VWA8: variants seen among roughly 807,000 people sequenced by gnomAD.
VWA8 encodes the protein von Willebrand factor A domain-containing protein 8.
A neutral mutation model predicts 241.5 loss-of-function variants in VWA8; 221 were observed. That is an observed-to-expected ratio of 0.91 (90% confidence interval 0.82 to 1.02). The LOEUF (loss-of-function observed/expected upper bound fraction) is 1.02, where lower values mean the gene tolerates loss of function less well. VWA8 is among the 50% of genes least tolerant of loss of function. The pLI is 0.00. For missense variants in VWA8, 2,322 were observed against 2,328.7 expected, an observed-to-expected ratio of 1.00 and a Z score of 0.06; for synonymous variants, 852 against 827.1, an observed-to-expected ratio of 1.03 and a Z score of -0.52.
intron 17 of VWA8, among the ~76,000 whole-genome samples, chr13:41,795,801 C>A (rs564445271): frequency 6.6e-6 from 1 of 151,824 alleles, no homozygotes; most frequent in African/African-American, 2.4e-5. Context: ...TTGAGGTGGG[C>A]GGGTAGGGGG....
chr13:41,738,854 G>A (rs1279073151), intron 21 of VWA8, among the ~76,000 whole-genome samples: 1 of 152,144 alleles, frequency 6.6e-6, no homozygotes. Flanking sequence ...AAAGTTGAAT[G>A]AGTATACAAA....
chr13:41,568,858 C>A (rs563809520), intron 44 of VWA8, among the ~76,000 whole-genome samples: 9 of 152,290 alleles, frequency 5.9e-5, no homozygotes, highest in Middle Eastern at 3.4e-3. Flanking sequence ...TTCAATGACA[C>A]TGAGGTTATA....
chr13:41,882,207 G>A (rs921797527), intron 9 of VWA8, among the ~76,000 whole-genome samples: 2 of 151,614 alleles, frequency 1.3e-5, no homozygotes, highest in African/African-American at 4.9e-5. Context: ...CAGACGATGG[G>A]CGGCCGGGCA....
At chr13:41,751,385 G>A (rs1322824288) in intron 21 of VWA8, among the ~76,000 whole-genome samples, 1 of 152,162 alleles carries the variant, frequency 6.6e-6, no homozygotes, top group African/African-American at 2.4e-5. Flanking sequence ...GGAGCAGCCT[G>A]GCTGTTCTGT....
chr13:41,820,846 G>C (rs981098748), intron 14 of VWA8, among the ~76,000 whole-genome samples: 1 of 152,262 alleles, frequency 6.6e-6, no homozygotes, highest in East Asian at 1.9e-4. Flanking sequence ...TAAGTGGTTT[G>C]CTATAATCCA....
Position 41,685,151 on chromosome 13 carries a change from C to T in VWA8, c.4223G>A (p.Arg1408Lys), listed in dbSNP as rs761047784. ...DTSFYRGKKK[R>K]GTPKQSNCVT... Reference sequence around the variant, plus strand: ...ACAATTGCTTTGTTTTGGAGTCCCCCTTTTCTTCTTTCCTCTATAGAATGA... The same window carrying T: ...ACAATTGCTTTGTTTTGGAGTCCCCTTTTTCTTCTTTCCTCTATAGAATGA... Residue 1408 changes from arginine (R) to lysine (K), a missense_variant, in exon 35 of 45, where the codon AGG (arginine) becomes AAG (lysine). By Grantham distance (26) the Arg-to-Lys change is conservative. Coordinates refer to ENST00000379310, the MANE Select transcript of VWA8 (RefSeq NM_015058.2). The T allele has an allele frequency of 3.1e-6, 5 of 1,613,488 alleles. No individual in the cohort carries two copies. The highest frequency in any genetic ancestry group is 4.2e-6 in the Non-Finnish European group (5 of 1,179,704).
chr13:41,923,861 A>G (rs1463400228), intron 2 of VWA8, among the ~76,000 whole-genome samples: 1 of 152,094 alleles, frequency 6.6e-6, no homozygotes, highest in African/African-American at 2.4e-5. Flanking sequence ...GTGCCCAACC[A>G]ATATCTTCAG....
rs180705402 is a variant in VWA8, at chr13:41,653,184, T to C, written c.4611+17762A>G. Among the ~76,000 whole-genome samples the C allele has an allele frequency of 2.2e-4, 34 of 152,292 alleles. No individual in the cohort carries two copies. The East Asian group carries it at 6.6e-3, about 29-fold the overall frequency. On this transcript the variant is annotated intron_variant, in intron 37 of 44. Transcript: ENST00000379310. The stretch of plus-strand genomic sequence containing the variant: ...GATTGATAGATTATAATGGATGTTT[T>C]CCTTAGGGCTTGTTCACAATAAAAC...
intron 12 of VWA8, among the ~76,000 whole-genome samples, chr13:41,853,344 T>G (rs1393672344): frequency 6.6e-6 from 1 of 152,188 alleles, no homozygotes; most frequent in Non-Finnish European, 1.5e-5. Context: ...TTTCTTTTCT[T>G]GTAGTGTGCT....
At chr13:41,660,382 T>C (rs1593680860) in intron 37 of VWA8, among the ~76,000 whole-genome samples, 1 of 152,080 alleles carries the variant, frequency 6.6e-6, no homozygotes, top group Non-Finnish European at 1.5e-5. Context: ...TCCCAAAGTG[T>C]TGGGATTACA....
At chr13:41,757,478 G>A (rs1024258448) in intron 21 of VWA8, among the ~76,000 whole-genome samples, 1 of 151,652 alleles carries the variant, frequency 6.6e-6, no homozygotes. Context: ...GGGTACATGT[G>A]CAGGTTTGTT....
chr13:41,796,128 A>C (rs1021526261), intron 17 of VWA8, among the ~76,000 whole-genome samples: 2 of 152,016 alleles, frequency 1.3e-5, no homozygotes, highest in African/African-American at 4.8e-5. Context: ...GTTTGCATCC[A>C]CTCCATGAGC....
intron 24 of VWA8, among the ~76,000 whole-genome samples, chr13:41,722,433 A>G (rs535771136): frequency 1.4e-4 from 21 of 152,190 alleles, no homozygotes; most frequent in Non-Finnish European, 5.9e-5. Flanking sequence ...TAAGGTAGCA[A>G]TAAGATCTTA....
At chr13:41,597,416 A>C (rs1389595922) in intron 40 of VWA8, among the ~76,000 whole-genome samples, 1 of 152,150 alleles carries the variant, frequency 6.6e-6, no homozygotes. Context: ...ATATCTGCTT[A>C]GGTTCCTAGG....
At chr13:41,921,084 C>T (rs146157231) in intron 2 of VWA8, among the ~76,000 whole-genome samples, 1,967 of 152,230 alleles carry the variant, frequency 0.013, 21 homozygotes, top group Middle Eastern at 0.051. Context: ...AAAGCTTATC[C>T]GCCATGATCA....
chr13:41,594,581 CAAAA>C (rs1025923375), intron 40 of VWA8, among the ~76,000 whole-genome samples: 1 of 151,534 alleles, frequency 6.6e-6, no homozygotes, highest in Non-Finnish European at 1.5e-5. Context: ...TAGTTGATGG[CAAAA>C]AAAAGTTGTC....
intron 37 of VWA8, among the ~76,000 whole-genome samples, chr13:41,660,879 CTTTT>C (rs918525375): frequency 7.1e-6 from 1 of 141,044 alleles, no homozygotes; most frequent in Non-Finnish European, 1.6e-5. Flanking sequence ...AATTGGGTTT[CTTTT>C]TTTTTTTTTT....
At chr13:41,614,909 T>C (rs111882643) in intron 38 of VWA8, 67 bp downstream of exon 38, 6 of 1,480,350 alleles carry the variant, frequency 4.1e-6, no homozygotes, top group African/African-American at 2.8e-5. Flanking sequence ...TCAGGGGCGA[T>C]GTGCTGGCCT....
chr13:41,927,912 T>C (rs1236433160), intron 2 of VWA8, among the ~76,000 whole-genome samples: 4 of 152,176 alleles, frequency 2.6e-5, no homozygotes, highest in African/African-American at 9.7e-5. Context: ...GAAGATAAGA[T>C]ATTCTATGGA....
Sources: allele counts gnomAD v4.1 joint callset (sites outside exome capture counted in the v4.1 genomes callset), GRCh38; gene constraint gnomAD v4.1.1; transcripts MANE v1.5; gene names NCBI Gene and HGNC (gene_info 2026-07-23, HGNC 2026-07-21).